Variants in C1QTNF1 observed in about 807,000 individuals in gnomAD.
The protein encoded by C1QTNF1 is C1q and TNF related 1, also known as complement C1q tumor necrosis factor-related protein 1.
C1QTNF1 carries 22 observed loss-of-function variants against 27.8 expected under a neutral mutation model. That is an observed-to-expected ratio of 0.79 (90% CI 0.56 to 1.13). The LOEUF (loss-of-function observed/expected upper bound fraction) is 1.13, where lower values mean the gene tolerates loss of function less well. Among genes scored for constraint, C1QTNF1 ranks in the 50% most tolerant of loss-of-function variants. The pLI, the probability that C1QTNF1 is intolerant of heterozygous loss-of-function variation, is 0.00. For missense variants in C1QTNF1, 373 were observed against 380.2 expected (o/e 0.98, Z 0.16); for synonymous variants, 166 against 154.3 (o/e 1.08, Z -0.56).
chr17:79,030,515 TTC>T (rs1658776672), intron 1 of C1QTNF1, among the ~76,000 whole-genome samples: 1 of 134,566 alleles, frequency 7.4e-6, no homozygotes, highest in South Asian at 2.3e-4. Context: ...CTTTCTTTCT[TTC>T]TTTCTTTCTT....
intron 1 of C1QTNF1, among the ~76,000 whole-genome samples, chr17:79,037,124 T>A (rs1028862599): frequency 6.6e-5 from 10 of 151,218 alleles, no homozygotes; most frequent in African/African-American, 2.2e-4. Context: ...CCCAGCTATT[T>A]TTTTGTTTTT....
chr17:79,023,737 C>CACAT (rs1491219499), upstream of C1QTNF1, among the ~76,000 whole-genome samples: 1 of 144,608 alleles, frequency 6.9e-6, no homozygotes, highest in Non-Finnish European at 1.5e-5. Flanking sequence ...CACACACACA[C>CACAT]AGTTTGGCAT....
At chr17:79,044,576 T>C (rs2072517255) in intron 2 of C1QTNF1, among the ~76,000 whole-genome samples, 1 of 152,206 alleles carries the variant, frequency 6.6e-6, no homozygotes, top group Non-Finnish European at 1.5e-5. Context: ...CTTATCACAC[T>C]GCAGGACAGG....
In C1QTNF1 at chr17:79,029,734, G is replaced by T. The variant is rs150671971; in HGVS notation, c.-15+5240G>T. Reference sequence around the variant, plus strand: ...ACAGCAAGGGCCAAAGACGAACAAAGCCCCTCACTGCTAGGAAACGGGTTC... The same window carrying T: ...ACAGCAAGGGCCAAAGACGAACAAATCCCCTCACTGCTAGGAAACGGGTTC... On this transcript the variant is annotated intron_variant, in intron 1 of 3. Transcript: ENST00000579760. 1.9e-4 allele frequency among the ~76,000 whole-genome samples: 29 copies of T among 152,282 alleles called. No individual in the cohort carries two copies. In the East Asian group the frequency reaches 5.4e-3, roughly 28 times the overall value.
intron 1 of C1QTNF1, among the ~76,000 whole-genome samples, chr17:79,038,754 A>AT (rs2072326630): frequency 6.6e-6 from 1 of 151,980 alleles, no homozygotes; most frequent in South Asian, 2.1e-4. Flanking sequence ...CTGTAGGGGG[A>AT]TTTTTGCTGG....
intron 1 of C1QTNF1, chr17:79,043,367 T>C (rs1464873731): frequency 2.2e-6 from 1 of 453,386 alleles, no homozygotes; most frequent in Admixed American, 2.4e-5. Context: ...TGTGAGTGCA[T>C]GTGTGTGGAC....
intron 1 of C1QTNF1, among the ~76,000 whole-genome samples, chr17:79,027,067 T>TC (rs1268800776): frequency 3.9e-5 from 5 of 129,144 alleles, no homozygotes; most frequent in African/African-American, 6.0e-5. Flanking sequence ...TCCTCAGGGG[T>TC]CCCTGTTCCT....
intron 1 of C1QTNF1, among the ~76,000 whole-genome samples, chr17:79,041,536 G>A (rs1453680712): frequency 4.6e-5 from 7 of 152,190 alleles, no homozygotes; most frequent in East Asian, 1.9e-4. Flanking sequence ...CCAGCACCTC[G>A]GGAGGCCGAG....
At position 79,046,860 on chromosome 17, in the gene C1QTNF1, T is replaced by G; in HGVS notation, c.295+166T>G. 1.1e-6 allele frequency: 1 copy of G among 939,712 alleles called. No individual in the cohort carries two copies. The highest frequency in any genetic ancestry group is 1.8e-5 in the South Asian group (1 of 56,156). 58.2% of individuals were successfully genotyped at this position (939,712 alleles called of 1,614,324 possible). On this transcript the variant is annotated intron_variant, in intron 3 of 3. Coordinates refer to ENST00000579760, the MANE Select transcript of C1QTNF1 (RefSeq NM_030968.5). The surrounding 1 kb of genome is among the most constrained non-coding windows in gnomAD (Gnocchi z 4.8). ...ATCTAGAGGGGAAGGCACAGGAAAT[T>G]CTGATTTTGAGGCTCTGGCCCCTCT...
At chr17:79,024,094 G>A (rs945765240), upstream of C1QTNF1, 1 of 152,566 alleles carries the variant, frequency 6.6e-6, no homozygotes, top group Admixed American at 6.5e-5. Context: ...CGCGGCGCGG[G>A]GCACACACGG....
At chr17:79,040,730 CAAAAAAAAAAA>C (rs60302649) in intron 1 of C1QTNF1, among the ~76,000 whole-genome samples, 1 of 56,940 alleles carries the variant, frequency 1.8e-5, no homozygotes, top group Non-Finnish European at 3.9e-5. Context: ...TTTGTCTCTA[CAAAAAAAAAAA>C]AAAAAAAAAA....
intron 2 of C1QTNF1, among the ~76,000 whole-genome samples, chr17:79,045,730 A>G (rs1300804114): frequency 6.6e-6 from 1 of 152,172 alleles, no homozygotes; most frequent in Non-Finnish European, 1.5e-5. Context: ...GGTTTTGCAT[A>G]CATGACATCT....
chr17:79,031,439 A>C (rs913953342), intron 1 of C1QTNF1, among the ~76,000 whole-genome samples: 5 of 151,678 alleles, frequency 3.3e-5, no homozygotes, highest in Admixed American at 6.6e-5. Flanking sequence ...GGATGGATGC[A>C]CTGTAAATTT....
At chr17:79,041,048 C>T (rs1599298347) in intron 1 of C1QTNF1, among the ~76,000 whole-genome samples, 1 of 152,214 alleles carries the variant, frequency 6.6e-6, no homozygotes, top group East Asian at 1.9e-4. Context: ...GAAATGTTCT[C>T]AAACCTAACT....
At chr17:79,047,238 C>CTTTT (rs372840829) in intron 3 of C1QTNF1, 7,596 of 276,864 alleles carry the variant, frequency 0.027, 127 homozygotes, top group Middle Eastern at 0.042. Flanking sequence ...TTTTTCTTTT[C>CTTTT]TTTTTTTTTT....
chr17:79,029,117 G>A (rs886708260), intron 1 of C1QTNF1, among the ~76,000 whole-genome samples: 4 of 152,202 alleles, frequency 2.6e-5, no homozygotes, highest in Non-Finnish European at 5.9e-5. Flanking sequence ...AATGATGAAT[G>A]CAAGGGCTCA....
chr17:79,047,253 T>TTTTTTTTTTTTTTTTTTTTTTTA (rs1025186314), intron 3 of C1QTNF1: 2 of 363,664 alleles, frequency 5.5e-6, no homozygotes, highest in South Asian at 1.3e-4. Context: ...TTTTTTTTTT[T>TTTTTTTTTTTTTTTTTTTTTTTA]ACCAGGGCTT....
At chr17:79,045,072 G>C (rs1568071133) in intron 2 of C1QTNF1, among the ~76,000 whole-genome samples, 1 of 152,188 alleles carries the variant, frequency 6.6e-6, no homozygotes, top group African/African-American at 2.4e-5. Context: ...GGGCTTTGTA[G>C]TAGGGGTGTA....
At chr17:79,039,714 A>G (rs1269013152) in intron 1 of C1QTNF1, among the ~76,000 whole-genome samples, 2 of 152,092 alleles carry the variant, frequency 1.3e-5, no homozygotes, top group African/African-American at 4.8e-5. Flanking sequence ...GAGAAACCAC[A>G]GAGTAGAATA....
Sources: allele counts gnomAD v4.1 joint callset (sites outside exome capture counted in the v4.1 genomes callset), GRCh38; gene constraint gnomAD v4.1.1; non-coding constraint Gnocchi (gnomAD v3.1); transcripts MANE v1.5; gene names NCBI Gene and HGNC (gene_info 2026-07-23, HGNC 2026-07-21).